The following CORO1C variants were observed in gnomAD, a reference collection of about 807,000 sequenced individuals.
The protein encoded by CORO1C is coronin 1C.
CORO1C carries 14 observed loss-of-function variants against 51.2 expected under a neutral mutation model. The ratio of observed to expected loss-of-function variants is 0.27; its 90% CI spans 0.18 to 0.43. CORO1C has a LOEUF of 0.43. Ranked by LOEUF, CORO1C falls within the 20% of genes least tolerant of loss-of-function variation. The pLI is 1.00. For synonymous variants in CORO1C, 181 were observed against 210.5 expected (o/e 0.86, Z 1.21); for missense variants, 417 against 607.8 (o/e 0.69, Z 3.30).
intron 2 of CORO1C, among the ~76,000 whole-genome samples, chr12:108,687,125 T>C (rs1305754909): frequency 1.3e-5 from 2 of 152,126 alleles, no homozygotes; most frequent in Admixed American, 1.3e-4. Context: ...CCCACAGAGT[T>C]AGGCAACATT....
intron 1 of CORO1C, among the ~76,000 whole-genome samples, chr12:108,709,255 C>G (rs1201051066): frequency 6.6e-6 from 1 of 152,080 alleles, no homozygotes; most frequent in Admixed American, 6.5e-5. Flanking sequence ...ATAGTACATA[C>G]TGTCTAACAA....
In CORO1C at chr12:108,647,181, T is replaced by C; in HGVS notation, c.*222A>G. 2.4e-6 allele frequency: 1 copy of C among 414,384 alleles called. No individual in the cohort carries two copies. The highest frequency in any genetic ancestry group is 4.3e-6 in the Non-Finnish European group (1 of 233,954). The allele number at this position is 414,384 out of a possible 1,614,324, so 25.7% of individuals were successfully genotyped here. The stretch of plus-strand genomic sequence containing the variant: ...CACTTAAAACATCAAAAAAGCTTTC[T>C]GATAAAAAGCTCAGCTTTTAAATCA... On this transcript the variant is annotated 3_prime_UTR_variant, in exon 11 of 11. Coordinates refer to ENST00000261401, the MANE Select transcript of CORO1C (RefSeq NM_014325.4).
chr12:108,718,764 G>A (rs2035403607), intron 1 of CORO1C, among the ~76,000 whole-genome samples: 1 of 151,912 alleles, frequency 6.6e-6, no homozygotes. Context: ...TAAAGCGAAG[G>A]AAAAAACAAA....
intron 3 of CORO1C, among the ~76,000 whole-genome samples, chr12:108,671,171 C>CA (rs916915443): frequency 4.4e-4 from 67 of 151,452 alleles, no homozygotes; most frequent in Non-Finnish European, 6.9e-4. Flanking sequence ...CTCGTCTCTA[C>CA]AAAAAAAATA....
chr12:108,719,961 G>A (rs182082701), intron 1 of CORO1C, among the ~76,000 whole-genome samples: 1 of 152,276 alleles, frequency 6.6e-6, no homozygotes, highest in East Asian at 1.9e-4. Context: ...GAGGCGAGAG[G>A]ATCACTTGAG....
rs1401567572 is a variant in CORO1C, at chr12:108,652,415, A to G, written c.858T>C (p.Gly286=). Residue 286 remains glycine (G), a splice_region_variant and synonymous_variant, in exon 8 of 11, where the codon GGT becomes GGC. Transcript: ENST00000261401. The part of the protein sequence containing the change: ...DTSIIYLCGK[G]DSSIRYFEIT... ...TCTCAAAATAGCGAATACTGCTGTC[A>G]CCCTGTAAGAAACCAGAGACAAGTC... 6.2e-7 allele frequency: 1 copy of G among 1,612,722 alleles called. No homozygotes were observed. The highest frequency in any genetic ancestry group is 8.5e-7 in the Non-Finnish European group (1 of 1,179,004).
In CORO1C at chr12:108,645,155, T is replaced by G. The variant is rs1351984034; in HGVS notation, c.*2248A>C. On this transcript the variant is annotated 3_prime_UTR_variant, in exon 11 of 11. Coordinates refer to ENST00000261401, the MANE Select transcript of CORO1C (RefSeq NM_014325.4). ...TCTCTGAAAATGGAAGCAAGTGTTT[T>G]GACAGAACACTATGGCCACTCTATA... 6.6e-6 allele frequency: 1 copy of G among 151,874 alleles called. No homozygotes were observed. 9.4% of individuals were successfully genotyped at this position (151,874 alleles called of 1,614,324 possible). A position where few individuals can be genotyped will look rare whatever the true frequency, so the allele number is the denominator to read the frequency against.
chr12:108,674,874 C>T (rs959115964), intron 3 of CORO1C, among the ~76,000 whole-genome samples: 1 of 152,138 alleles, frequency 6.6e-6, no homozygotes, highest in Non-Finnish European at 1.5e-5. Context: ...GAAATGACAA[C>T]AAAACATTTA....
At chr12:108,709,892 T>C (rs921201552) in intron 1 of CORO1C, among the ~76,000 whole-genome samples, 3 of 152,212 alleles carry the variant, frequency 2.0e-5, no homozygotes, top group Non-Finnish European at 4.4e-5. Flanking sequence ...GCATAGGCTT[T>C]CCCTTGCTTG....
intron 7 of CORO1C, 44 bp downstream of exon 7, chr12:108,654,262 T>C (rs758447725): frequency 2.5e-5 from 31 of 1,216,928 alleles, no homozygotes; most frequent in Non-Finnish European, 3.6e-5. Context: ...GATAAATGTT[T>C]CCACTTACAG....
chr12:108,728,559 C>T (rs1026876000), intron 1 of CORO1C, among the ~76,000 whole-genome samples: 1 of 152,064 alleles, frequency 6.6e-6, no homozygotes, highest in Non-Finnish European at 1.5e-5. Flanking sequence ...ATACCAAAAA[C>T]CACAGAACTG....
intron 8 of CORO1C, 48 bp from the exon 9 acceptor site, chr12:108,649,068 C>A (rs2032522732): frequency 6.3e-7 from 1 of 1,590,746 alleles, no homozygotes; most frequent in Admixed American, 1.7e-5. Context: ...AAATATGAGG[C>A]TGACTAACAG....
At chr12:108,716,305 T>G (rs1225652184) in intron 1 of CORO1C, among the ~76,000 whole-genome samples, 3 of 152,134 alleles carry the variant, frequency 2.0e-5, no homozygotes, top group Non-Finnish European at 4.4e-5. Flanking sequence ...CAATAAAATT[T>G]TATTAATTAT....
rs772957986 is a variant in CORO1C, at chr12:108,647,368, C to T, written c.*35G>A. ...ACCAGCTCCCAAGCACAAGTTCTTG[C>T]TCCCATTTTTTCTGTAGGGGTGGGG... is the stretch of plus-strand genomic sequence containing the variant. On this transcript the variant is annotated 3_prime_UTR_variant, in exon 11 of 11. Coordinates refer to ENST00000261401, the MANE Select transcript of CORO1C (RefSeq NM_014325.4). 3.1e-6 allele frequency: 5 copies of T among 1,602,826 alleles called. No individual in the cohort carries two copies. In the South Asian group the frequency reaches 3.4e-5, roughly 11 times the overall value.
intron 1 of CORO1C, among the ~76,000 whole-genome samples, chr12:108,711,972 AC>A (rs2035193833): frequency 6.6e-6 from 1 of 151,888 alleles, no homozygotes; most frequent in Non-Finnish European, 1.5e-5. Flanking sequence ...ATACAGGAAA[AC>A]CCCTACTAGT....
chr12:108,672,476 C>A (rs150487345), intron 3 of CORO1C, among the ~76,000 whole-genome samples: 2 of 151,538 alleles, frequency 1.3e-5, no homozygotes, highest in South Asian at 2.1e-4. Flanking sequence ...ACATGTATAA[C>A]GTGAAAAGAC....
chr12:108,720,252 A>T (rs1424591778), intron 1 of CORO1C, among the ~76,000 whole-genome samples: 12 of 152,210 alleles, frequency 7.9e-5, no homozygotes, highest in Non-Finnish European at 2.9e-5. Context: ...AAATACAGCC[A>T]TAAGAAACCC....
chr12:108,726,086 G>C (rs1450937044), intron 1 of CORO1C, among the ~76,000 whole-genome samples: 1 of 152,178 alleles, frequency 6.6e-6, no homozygotes, highest in Non-Finnish European at 1.5e-5. Flanking sequence ...GCCCGCCTCA[G>C]CTTCCCAAAG....
rs1347270281 is a variant in CORO1C, at chr12:108,645,393, C to T, written c.*2010G>A. The T allele has an allele frequency of 6.6e-6, 1 of 152,150 alleles. No homozygotes were observed. The highest frequency in any genetic ancestry group is 2.4e-5 in the African/African-American group (1 of 41,414). 9.4% of individuals were successfully genotyped at this position (152,150 alleles called of 1,614,324 possible). Reference sequence around the variant, plus strand: ...TCCTGCTTCTCTTTGAACCACATGCCCTACGGTGTTTCACCACCATCAACA... The same window carrying T: ...TCCTGCTTCTCTTTGAACCACATGCTCTACGGTGTTTCACCACCATCAACA... On this transcript the variant is annotated 3_prime_UTR_variant, in exon 11 of 11. Coordinates refer to ENST00000261401, the MANE Select transcript of CORO1C (RefSeq NM_014325.4).
Sources: gnomAD v4.1 joint callset for allele counts (sites outside exome capture counted in the v4.1 genomes callset) on GRCh38, gnomAD v4.1.1 for gene constraint, MANE v1.5 for transcripts, NCBI Gene and HGNC (gene_info 2026-07-23, HGNC 2026-07-21) for gene names.